The following LSAMP variants were observed in gnomAD, a reference collection of about 807,000 sequenced individuals.
The protein encoded by LSAMP is limbic system-associated membrane protein.
Under a neutral mutation model 38.6 loss-of-function variants are expected in LSAMP, and 7 were observed. The observed-to-expected ratio is 0.18, with a 90% CI of 0.10 to 0.34. The LOEUF is 0.34. Among genes scored for constraint, LSAMP ranks in the 10% least tolerant of loss-of-function variants. LSAMP has a pLI of 1.00. For synonymous variants in LSAMP, 154 were observed against 166.8 expected (o/e 0.92, Z 0.59); for missense variants, 313 against 420.0 (o/e 0.75, Z 2.23).
chr3:116,349,104 G>C (rs2048103157), intron 1 of LSAMP, among the ~76,000 whole-genome samples: 1 of 152,088 alleles, frequency 6.6e-6, no homozygotes, highest in South Asian at 2.1e-4. Flanking sequence ...TAGGACTATT[G>C]GGAAAATTAA....
rs1269223788 is a variant in LSAMP at position 116,209,116 on chromosome 3, A to G, written c.156-122560T>C. Among the ~76,000 whole-genome samples, 44 of 152,148 alleles carry G rather than the reference A, an allele frequency of 2.9e-4. 1 individual carries two copies. The highest frequency in any genetic ancestry group is 2.9e-3 in the Admixed American group (44 of 15,280). On this transcript the variant is annotated intron_variant, in intron 1 of 6. Coordinates refer to ENST00000490035, the MANE Select transcript of LSAMP (RefSeq NM_002338.5). ...ATAATCTCGTGGTGTGCCGTTTTTT[A>G]AGCCGGTCCGAAAAGCGCAGTATTC...
chr3:116,263,089 C>G (rs2107660461), intron 1 of LSAMP, among the ~76,000 whole-genome samples: 1 of 152,238 alleles, frequency 6.6e-6, no homozygotes, highest in South Asian at 2.1e-4. Flanking sequence ...GAATATAACA[C>G]TATAAAAGAG....
chr3:115,902,089 G>T (rs1398617545), intron 3 of LSAMP, among the ~76,000 whole-genome samples: 1 of 152,030 alleles, frequency 6.6e-6, no homozygotes, highest in Non-Finnish European at 1.5e-5. Context: ...ATCAACTCTT[G>T]TGCATTTTAG....
At chr3:116,298,560 G>A (rs2047366906) in intron 1 of LSAMP, among the ~76,000 whole-genome samples, 1 of 152,020 alleles carries the variant, frequency 6.6e-6, no homozygotes, top group African/African-American at 2.4e-5. Flanking sequence ...GTATTTCTGT[G>A]GTCTCTTATC....
At chr3:116,423,260 C>T (rs2049153534) in intron 1 of LSAMP, among the ~76,000 whole-genome samples, 1 of 152,138 alleles carries the variant, frequency 6.6e-6, no homozygotes, top group Non-Finnish European at 1.5e-5. Flanking sequence ...GGTATTTCCT[C>T]ATGATCAAGA....
chr3:115,862,809 C>T (rs548243635), intron 3 of LSAMP, among the ~76,000 whole-genome samples: 2 of 152,348 alleles, frequency 1.3e-5, no homozygotes, highest in Non-Finnish European at 2.9e-5. Flanking sequence ...CTTACCAGCA[C>T]CCCTCAATCT....
chr3:116,069,684 ACT>A (rs1707553472), intron 2 of LSAMP, among the ~76,000 whole-genome samples: 1 of 152,166 alleles, frequency 6.6e-6, no homozygotes, highest in African/African-American at 2.4e-5. Context: ...GTTAGAAATA[ACT>A]CTGCTTTCAG....
At position 116,347,232 on chromosome 3, in the gene LSAMP, G is replaced by GGCATATATGGTGC. The variant is rs2048075758; in HGVS notation, c.155+97644_155+97645insGCACCATATATGC. On this transcript the variant is annotated intron_variant, in intron 1 of 6. Transcript: ENST00000490035. ...CTTCTATTCACTCTTTATGACAGGA[G>GGCATATATGGTGC]CTTTGATGGTGAGGGCCAACCTTTT... Among the ~76,000 whole-genome samples, 3 of 152,286 alleles carry GGCATATATGGTGC rather than the reference G, an allele frequency of 2.0e-5. No homozygotes were observed. The South Asian group carries it at 6.2e-4, about 32-fold the overall frequency.
intron 1 of LSAMP, chr3:116,368,038 A>C (rs1209253708): frequency 2.6e-5 from 4 of 152,188 alleles, no homozygotes; most frequent in African/African-American, 9.7e-5. Flanking sequence ...GCAGGCAGGT[A>C]AGTGGAAGCA....
chr3:115,963,144 T>G (rs1003953987), intron 3 of LSAMP, among the ~76,000 whole-genome samples: 3 of 152,190 alleles, frequency 2.0e-5, no homozygotes, highest in African/African-American at 7.2e-5. Context: ...CCACAGGATC[T>G]CCATGTTTCG....
chr3:116,219,276 T>C (rs1292788097), intron 1 of LSAMP, among the ~76,000 whole-genome samples: 2 of 152,196 alleles, frequency 1.3e-5, no homozygotes, highest in East Asian at 1.9e-4. Flanking sequence ...TACCATATTG[T>C]GGAATCTCCT....
chr3:116,199,659 T>C (rs1365359332), intron 1 of LSAMP, among the ~76,000 whole-genome samples: 1 of 152,128 alleles, frequency 6.6e-6, no homozygotes, highest in African/African-American at 2.4e-5. Flanking sequence ...CAAGACAGAA[T>C]TTCCAGAAGA....
chr3:116,085,601 C>A (rs932475666), intron 2 of LSAMP, among the ~76,000 whole-genome samples: 18 of 152,316 alleles, frequency 1.2e-4, no homozygotes, highest in South Asian at 4.1e-4. Flanking sequence ...AGCTGATCAG[C>A]TTTGTTCTCA....
At chr3:116,393,626 C>G (rs2048731081) in intron 1 of LSAMP, among the ~76,000 whole-genome samples, 1 of 152,218 alleles carries the variant, frequency 6.6e-6, no homozygotes, top group South Asian at 2.1e-4. Context: ...AAAGACACCA[C>G]TAACCACAGA....
chr3:116,273,152 G>A (rs1392745669), intron 1 of LSAMP, among the ~76,000 whole-genome samples: 3 of 152,030 alleles, frequency 2.0e-5, no homozygotes, highest in Non-Finnish European at 4.4e-5. Flanking sequence ...GTTCATGTGT[G>A]ACCTACTACA....
intron 1 of LSAMP, among the ~76,000 whole-genome samples, chr3:116,122,987 A>G (rs543189603): frequency 6.6e-6 from 1 of 152,354 alleles, no homozygotes; most frequent in Admixed American, 6.5e-5. Context: ...CAAAAGAGGT[A>G]CTATAAACTG....
chr3:116,429,890 A>G (rs1486133730), intron 1 of LSAMP, among the ~76,000 whole-genome samples: 1 of 152,206 alleles, frequency 6.6e-6, no homozygotes, highest in Non-Finnish European at 1.5e-5. Flanking sequence ...TGGTTAATAT[A>G]AGAGACCCTG....
chr3:116,042,282 A>G (rs1393769948), intron 2 of LSAMP, among the ~76,000 whole-genome samples: 2 of 152,200 alleles, frequency 1.3e-5, no homozygotes, highest in Non-Finnish European at 2.9e-5. Flanking sequence ...GTCCTACTGT[A>G]GGAGCTATTA....
chr3:115,886,396 A>G (rs1215812586), intron 3 of LSAMP, among the ~76,000 whole-genome samples: 7 of 151,994 alleles, frequency 4.6e-5, no homozygotes, highest in South Asian at 2.1e-4. Context: ...GACCCAGTCC[A>G]TGGGTTACAC....
Sources: gnomAD v4.1 joint callset for allele counts (sites outside exome capture counted in the v4.1 genomes callset) on GRCh38, gnomAD v4.1.1 for gene constraint, MANE v1.5 for transcripts, NCBI Gene and HGNC (gene_info 2026-07-23, HGNC 2026-07-21) for gene names.